The following SV2C variants were observed in gnomAD, a reference collection of about 807,000 sequenced individuals.
SV2C encodes the protein synaptic vesicle glycoprotein 2C.
SV2C carries 49 observed loss-of-function variants against 79.7 expected under a neutral mutation model. The ratio of observed to expected loss-of-function variants is 0.61; its 90% CI spans 0.49 to 0.78. SV2C has a LOEUF of 0.78. Ranked by LOEUF, SV2C falls within the 30% of genes least tolerant of loss-of-function variation. The pLI is 0.00. For missense variants in SV2C, 833 were observed against 912.9 expected (o/e 0.91, Z 1.13); for synonymous variants, 334 against 333.2 (o/e 1.00, Z -0.03).
At chr5:76,217,365 A>G (rs1336022708) in intron 4 of SV2C, among the ~76,000 whole-genome samples, 23 of 152,234 alleles carry the variant, frequency 1.5e-4, no homozygotes, top group Admixed American at 1.5e-3. Flanking sequence ...TTCCTCAACC[A>G]GACAGATATT....
intron 2 of SV2C, among the ~76,000 whole-genome samples, chr5:76,155,019 C>T (rs929603234): frequency 3.3e-5 from 5 of 152,148 alleles, no homozygotes; most frequent in Non-Finnish European, 7.4e-5. Flanking sequence ...CACATTTTAC[C>T]TTTGAAAAGA....
At chr5:76,282,099 T>C (rs989661439) in intron 4 of SV2C, among the ~76,000 whole-genome samples, 5 of 152,214 alleles carry the variant, frequency 3.3e-5, no homozygotes, top group Admixed American at 1.3e-4. Flanking sequence ...TGAGGTTCTG[T>C]GTGAGAAACA....
At chr5:76,104,928 C>T (rs577108680) in intron 1 of SV2C, among the ~76,000 whole-genome samples, 12 of 152,266 alleles carry the variant, frequency 7.9e-5, no homozygotes, top group Admixed American at 2.0e-4. Context: ...AGATGATTCT[C>T]GTTTGCAGTT....
At chr5:76,042,405 G>A in the SV2C span, among the ~76,000 whole-genome samples, 108 of 152,304 alleles carry the variant, frequency 7.1e-4, 2 homozygotes, top group African/African-American at 2.6e-3. Context: ...ATAAACTGAT[G>A]TATGTAAAAT....
At chr5:76,223,444 C>CATATATATATAT (rs70979384) in intron 4 of SV2C, among the ~76,000 whole-genome samples, 38 of 45,736 alleles carry the variant, frequency 8.3e-4, no homozygotes, top group Non-Finnish European at 1.1e-3. Context: ...TACATACATA[C>CATATATATATAT]ATATATATAT....
At chr5:76,244,228 A>T (rs1374695264) in intron 4 of SV2C, among the ~76,000 whole-genome samples, 1 of 152,234 alleles carries the variant, frequency 6.6e-6, no homozygotes, top group Admixed American at 6.5e-5. Context: ...GCAGAATGAG[A>T]TGTCAAATGA....
the SV2C span, among the ~76,000 whole-genome samples, chr5:75,853,671 A>AT: frequency 6.8e-5 from 9 of 132,624 alleles, no homozygotes; most frequent in South Asian, 2.4e-4. Context: ...TTATTTTTCT[A>AT]TTTTTTTTAA....
intron 8 of SV2C, among the ~76,000 whole-genome samples, chr5:76,294,485 A>G (rs1747675289): frequency 6.6e-6 from 1 of 151,960 alleles, no homozygotes; most frequent in Non-Finnish European, 1.5e-5. Flanking sequence ...TATTTTTAGT[A>G]GAGGTAGGGT....
At chr5:76,039,466 G>T in the SV2C span, among the ~76,000 whole-genome samples, 1 of 152,134 alleles carries the variant, frequency 6.6e-6, no homozygotes, top group Non-Finnish European at 1.5e-5. Context: ...GTACAGAAAA[G>T]AAATTGAGGC....
At chr5:76,075,511 C>T in the SV2C span, 1,557 of 165,746 alleles carry the variant, frequency 9.4e-3, 30 homozygotes, top group African/African-American at 0.035. Flanking sequence ...GCAAGAATCT[C>T]GAGAGCTTGT....
At chr5:75,916,329 TCTTCTTCCCCC>T in the SV2C span, among the ~76,000 whole-genome samples, 5 of 89,450 alleles carry the variant, frequency 5.6e-5, no homozygotes, top group East Asian at 2.1e-3. Context: ...TTCCTCCTCC[TCTTCTTCCCCC>T]CTTCTTCCTC....
chr5:76,317,441 CA>C lies in SV2C; in HGVS notation c.2001-7921del, dbSNP rs368819824. 8.2e-3 allele frequency among the ~76,000 whole-genome samples: 1,242 copies of C among 151,082 alleles called. 16 individuals carry two copies. The highest frequency in any genetic ancestry group is 0.024 in the African/African-American group (989 of 41,098). ...TCTAGACAAAAAGAACCACCCCCCC[CA>C]ACACACACACACATACACACACACA... On this transcript the variant is annotated intron_variant, in intron 12 of 12. Transcript: ENST00000502798.
intron 4 of SV2C, among the ~76,000 whole-genome samples, chr5:76,249,639 C>G (rs1035475788): frequency 6.6e-6 from 1 of 152,108 alleles, no homozygotes; most frequent in Non-Finnish European, 1.5e-5. Context: ...CAAAAATATA[C>G]TGAAAATATA....
At chr5:76,036,996 C>T in the SV2C span, among the ~76,000 whole-genome samples, 4 of 152,162 alleles carry the variant, frequency 2.6e-5, no homozygotes, top group Non-Finnish European at 1.5e-5. Context: ...TCATTCATTT[C>T]ATCTTCCATC....
chr5:76,074,594 C>A, the SV2C span, among the ~76,000 whole-genome samples: 7,099 of 152,160 alleles, frequency 0.047, 538 homozygotes, highest in African/African-American at 0.16. Context: ...CTGCCTCTTT[C>A]AGAAAAAAGT....
At chr5:76,063,581 C>T in the SV2C span, among the ~76,000 whole-genome samples, 2 of 152,140 alleles carry the variant, frequency 1.3e-5, no homozygotes, top group Admixed American at 1.3e-4. Flanking sequence ...TGGACATTCA[C>T]TCCCACTATG....
At chr5:75,957,518 A>G in the SV2C span, among the ~76,000 whole-genome samples, 1 of 152,002 alleles carries the variant, frequency 6.6e-6, no homozygotes, top group Non-Finnish European at 1.5e-5. Context: ...ATCCCCTTGA[A>G]TGGATAGCAG....
chr5:75,924,379 A>G, the SV2C span, among the ~76,000 whole-genome samples: 7 of 152,282 alleles, frequency 4.6e-5, no homozygotes, highest in South Asian at 4.1e-4. Context: ...GTAACCAAAA[A>G]CCATCTGTAC....
chr5:76,056,168 A>G, the SV2C span, among the ~76,000 whole-genome samples: 1 of 152,100 alleles, frequency 6.6e-6, no homozygotes, highest in Admixed American at 6.6e-5. Context: ...GATATGTTCC[A>G]TCAACACAGT....
Sources: gnomAD v4.1 joint callset for allele counts (sites outside exome capture counted in the v4.1 genomes callset) on GRCh38, gnomAD v4.1.1 for gene constraint, MANE v1.5 for transcripts, NCBI Gene and HGNC (gene_info 2026-07-23, HGNC 2026-07-21) for gene names.